Variants in INCA1 observed in about 807,000 individuals in gnomAD.
INCA1 encodes the protein inhibitor of CDK, cyclin A1 interacting protein 1.
INCA1 carries 28 observed loss-of-function variants against 25.7 expected under a neutral mutation model. The ratio of observed to expected loss-of-function variants is 1.09; its 90% CI spans 0.81 to 1.49. The LOEUF (loss-of-function observed/expected upper bound fraction) is 1.49, where lower values mean the gene tolerates loss of function less well. Ranked by LOEUF, INCA1 falls within the 40% of genes most tolerant of loss-of-function variation. INCA1 has a pLI of 0.00. For missense variants in INCA1, 309 were observed against 290.9 expected (o/e 1.06, Z -0.45); for synonymous variants, 111 against 103.6 (o/e 1.07, Z -0.43).
At chr17:4,990,382 GC>G in intron 2 of INCA1, 117 bp from the exon 3 acceptor site, 2 of 1,184,412 alleles carry the variant, frequency 1.7e-6, no homozygotes, top group Non-Finnish European at 2.3e-6. Context: ...GTTCCCTCGG[GC>G]CATGTCCTCT....
chr17:4,994,060 C>T (rs1974062390), intron 2 of INCA1, among the ~76,000 whole-genome samples: 1 of 152,138 alleles, frequency 6.6e-6, no homozygotes, highest in Non-Finnish European at 1.5e-5. Flanking sequence ...GAGTGAGCCA[C>T]CACACCTGGC....
Position 4,989,946 on chromosome 17 carries a change from G to A in INCA1, c.159-17C>T, listed in dbSNP as rs758662181. The A allele has an allele frequency of 9.3e-6, 15 of 1,614,036 alleles. No individual in the cohort carries two copies. The highest frequency in any genetic ancestry group is 1.3e-5 in the Non-Finnish European group (15 of 1,180,024). On this transcript the variant is annotated splice_polypyrimidine_tract_variant and intron_variant, in intron 3 of 6. Coordinates refer to ENST00000576820, the Ensembl canonical transcript of INCA1. The stretch of plus-strand genomic sequence containing the variant: ...CAAGTGGGGCTGTGAAGAACAAAAA[G>A]GGGGCTATAAGTGCAGAGGGGACAT...
At chr17:4,996,666 C>CAAAAAAAA (rs35732129) in intron 1 of INCA1, among the ~76,000 whole-genome samples, 11 of 51,796 alleles carry the variant, frequency 2.1e-4, no homozygotes, top group Admixed American at 6.2e-4. Context: ...GACTCCGTCT[C>CAAAAAAAA]AAAAAAAAAA....
exon 7 of INCA1, chr17:4,988,302 GA>G (rs778742951): frequency 3.3e-5 from 43 of 1,315,126 alleles, no homozygotes; most frequent in Non-Finnish European, 3.7e-5. Context: ...AGAGACGAAG[GA>G]AGGGGAAACG....
intron 2 of INCA1, among the ~76,000 whole-genome samples, chr17:4,992,295 T>C (rs1567710793): frequency 6.6e-6 from 1 of 152,204 alleles, no homozygotes; most frequent in African/African-American, 2.4e-5. Flanking sequence ...TTTTTCTTCT[T>C]CTTTTTTGAG....
At chr17:4,991,169 C>T (rs990948431) in intron 2 of INCA1, among the ~76,000 whole-genome samples, 7 of 152,042 alleles carry the variant, frequency 4.6e-5, no homozygotes, top group African/African-American at 1.7e-4. Flanking sequence ...CCACCCGCCT[C>T]GGCCTCCCAA....
chr17:4,991,500 T>C (rs1973872774), intron 2 of INCA1, among the ~76,000 whole-genome samples: 1 of 152,214 alleles, frequency 6.6e-6, no homozygotes, highest in Non-Finnish European at 1.5e-5. Context: ...TGCAGAGCTG[T>C]TTGAGAACAC....
intron 1 of INCA1, among the ~76,000 whole-genome samples, chr17:4,995,511 T>C (rs1187903784): frequency 6.6e-6 from 1 of 152,084 alleles, no homozygotes; most frequent in Non-Finnish European, 1.5e-5. Context: ...GTTAATTGTG[T>C]GGGCCGGGTG....
chr17:4,996,261 C>G (rs1206995116), intron 1 of INCA1, among the ~76,000 whole-genome samples: 2 of 151,350 alleles, frequency 1.3e-5, no homozygotes, highest in African/African-American at 4.9e-5. Flanking sequence ...GTGGTGTGCG[C>G]TTGTACCCGG....
At chr17:4,993,767 CTTTT>C (rs934109564) in intron 2 of INCA1, among the ~76,000 whole-genome samples, 3 of 97,320 alleles carry the variant, frequency 3.1e-5, no homozygotes, top group African/African-American at 4.4e-5. Context: ...CGTGCCTGGC[CTTTT>C]TTTTTTTTTT....
intron 1 of INCA1, among the ~76,000 whole-genome samples, chr17:4,995,203 C>CAAAAAAAAAAAAAAAAAA (rs747828645): frequency 8.1e-6 from 1 of 123,568 alleles, no homozygotes. Flanking sequence ...GACTCTGTCT[C>CAAAAAAAAAAAAAAAAAA]AAAAAAAAAA....
upstream of INCA1, among the ~76,000 whole-genome samples, chr17:4,997,342 G>A (rs960235449): frequency 2.6e-5 from 4 of 152,286 alleles, no homozygotes; most frequent in African/African-American, 9.6e-5. Context: ...GGACGCCCCG[G>A]GTCTGAGAGG....
At chr17:4,996,458 G>C (rs1446419688) in intron 1 of INCA1, among the ~76,000 whole-genome samples, 1 of 151,282 alleles carries the variant, frequency 6.6e-6, no homozygotes, top group Non-Finnish European at 1.5e-5. Context: ...GAGGTGGGCG[G>C]ATCACTTGAG....
chr17:4,988,591 A>G, intron 6 of INCA1, 37 bp from the exon 7 acceptor site: 1 of 1,607,150 alleles, frequency 6.2e-7, no homozygotes, highest in Non-Finnish European at 8.5e-7. Flanking sequence ...GAAAATGGAA[A>G]AGTAGGTCTT....
At chr17:4,988,856 C>T (rs750628084) in exon 6 of INCA1, 2 of 1,614,234 alleles carry the variant, frequency 1.2e-6, no homozygotes, top group South Asian at 2.2e-5. Context: ...TCAGGGTATT[C>T]ATTGGTGCTG....
intron 4 of INCA1, 29 bp from the exon 5 acceptor site, chr17:4,989,653 A>G (rs777311412): frequency 6.2e-7 from 1 of 1,609,414 alleles, no homozygotes; most frequent in Non-Finnish European, 8.5e-7. Flanking sequence ...AAAAAGAGCT[A>G]GAAAGAAGAA....
chr17:4,993,796 G>C (rs1204341585), intron 2 of INCA1, among the ~76,000 whole-genome samples: 1 of 111,110 alleles, frequency 9.0e-6, no homozygotes, highest in Non-Finnish European at 1.8e-5. Context: ...TTTTGAGATG[G>C]AGTCTTGTTC....
chr17:4,992,200 A>G (rs903561243), intron 2 of INCA1, among the ~76,000 whole-genome samples: 1 of 151,634 alleles, frequency 6.6e-6, no homozygotes. Context: ...GAAATTTTCC[A>G]TAATAAAAAA....
intron 2 of INCA1, among the ~76,000 whole-genome samples, chr17:4,993,213 C>G (rs899915564): frequency 1.3e-5 from 2 of 151,794 alleles, no homozygotes; most frequent in African/African-American, 2.4e-5. Context: ...GAGTTTCACT[C>G]TTGTTGCCCG....
Sources: allele counts gnomAD v4.1 joint callset (sites outside exome capture counted in the v4.1 genomes callset), GRCh38; gene constraint gnomAD v4.1.1; transcripts MANE v1.5; gene names NCBI Gene and HGNC (gene_info 2026-07-23, HGNC 2026-07-21).